BTN3A3: variants seen among roughly 807,000 people sequenced by gnomAD.
The protein encoded by BTN3A3 is butyrophilin 3.
In BTN3A3, 39 loss-of-function variants were observed where a neutral mutation model predicts 43.2. That is an observed-to-expected ratio of 0.90 (90% CI 0.70 to 1.18). BTN3A3 has a LOEUF of 1.18. Ranked by LOEUF, BTN3A3 falls within the 50% of genes most tolerant of loss-of-function variation. BTN3A3 has a pLI of 0.00. For missense variants in BTN3A3, 631 were observed against 722.8 expected, an observed-to-expected ratio of 0.87 and a Z score of 1.46; for synonymous variants, 255 against 272.7, an observed-to-expected ratio of 0.93 and a Z score of 0.64.
chr6:26,443,170 G>C (rs1299846570), intron 1 of BTN3A3, among the ~76,000 whole-genome samples: 1 of 152,196 alleles, frequency 6.6e-6, no homozygotes, highest in Non-Finnish European at 1.5e-5. Flanking sequence ...TTTGATGCTT[G>C]AGGAGTCCAC....
Position 26,451,751 on chromosome 6 carries a change from T to C in BTN3A3, c.1095T>C (p.Ala365=). ...VSEDQRSVQR[A]EEPRDLPDNP... ...AGGACCAGAGGAGTGTGCAGCGTGCTGAAGAGCCGCGGGATCTGCCAGACA... is the reference window on the plus strand; with the variant it reads ...AGGACCAGAGGAGTGTGCAGCGTGCCGAAGAGCCGCGGGATCTGCCAGACA... The change falls in exon 11 of 11, where the codon GCT becomes GCC. Residue 365 remains alanine, a synonymous_variant. Transcript: ENST00000244519. 1 of 1,614,134 alleles carries C rather than the reference T, an allele frequency of 6.2e-7. No individual in the cohort carries two copies. Among genetic ancestry groups the C allele is most frequent in the Non-Finnish European group, 8.5e-7 (1 of 1,180,006 alleles).
Position 26,452,248 on chromosome 6 carries a change from C to T in BTN3A3, c.1592C>T (p.Ser531Phe). ...SPDPDLVPDH[S>F]LETPLTPGLA... ...GATCCTGACCTAGTGCCTGATCATT[C>T]CCTGGAGACACCACTGACCCCGGGC... The change falls in exon 11 of 11, where the codon TCC becomes TTC. Residue 531 changes from serine (S) to phenylalanine (F), a missense_variant. Transcript: ENST00000244519. 6.2e-7 allele frequency: 1 copy of T among 1,614,162 alleles called. No individual in the cohort carries two copies. The highest frequency in any genetic ancestry group is 8.5e-7 in the Non-Finnish European group (1 of 1,180,024).
intron 1 of BTN3A3, among the ~76,000 whole-genome samples, chr6:26,442,946 G>T (rs1414803298): frequency 1.3e-5 from 2 of 152,186 alleles, no homozygotes; most frequent in Non-Finnish European, 2.9e-5. Flanking sequence ...ACCCATTGTG[G>T]GTGCTCAGTA....
intron 3 of BTN3A3, 120 bp downstream of exon 3, chr6:26,443,779 C>T (rs1762702026): frequency 1.3e-6 from 2 of 1,489,626 alleles, no homozygotes; most frequent in Non-Finnish European, 1.8e-6. Context: ...ATTCCCATAC[C>T]TGGAAGTCCA....
At chr6:26,440,889 A>G (rs1336561666) in intron 1 of BTN3A3, among the ~76,000 whole-genome samples, 1 of 152,116 alleles carries the variant, frequency 6.6e-6, no homozygotes, top group Admixed American at 6.6e-5. Context: ...AAGAATAAAG[A>G]CCTGCAGATA....
At chr6:26,445,518 C>CCCCA in intron 4 of BTN3A3, 186 bp from the exon 5 acceptor site, 1 of 688,972 alleles carries the variant, frequency 1.5e-6, no homozygotes, top group East Asian at 2.7e-5. Flanking sequence ...AATAGCCCCA[C>CCCCA]ATTACTGACC....
In BTN3A3 at chr6:26,450,114, A is replaced by T; in HGVS notation, c.999A>T (p.Lys333Asn). The stretch of plus-strand genomic sequence containing the variant: ...GTGTCTCCTTCCTTTCAGAATGGAA[A>T]ATGGCCCTCTTCAAACCTGGTGAGT... ...GEKSLAYHEW[K>N]MALFKPADVI... Residue 333 changes from lysine (K) to asparagine (N), a missense_variant, in exon 10 of 11, where the codon AAA becomes AAT. By Grantham distance (94) the Lys-to-Asn change is moderately conservative. Coordinates refer to ENST00000244519, the MANE Select transcript of BTN3A3 (RefSeq NM_006994.5). 1 of 1,613,742 alleles carries T rather than the reference A, an allele frequency of 6.2e-7. No homozygotes were observed. Among genetic ancestry groups the T allele is most frequent in the Non-Finnish European group, 8.5e-7 (1 of 1,179,688 alleles).
In BTN3A3 at chr6:26,448,378, G is replaced by T; in HGVS notation, c.846G>T (p.Arg282Ser). ...AGAAGGAAAAAATTGCTCTGTCCAG[G>T]GAGACAGAAAGAGAGCGAGAGATGA... is the stretch of plus-strand genomic sequence containing the variant. Reference protein sequence around the residue: ...RQQKEKIALSRETEREREMKE... With the variant: ...RQQKEKIALSSETEREREMKE... Residue 282 changes from arginine to serine, a missense_variant, in exon 6 of 11, where the codon AGG (arginine) becomes AGT (serine). Physicochemically the swap from Arg to Ser is moderately radical, Grantham distance 110. This residue lies in a region of BTN3A3 where 551 missense variants were observed against 584.0 expected (regional missense o/e 0.94). Transcript: ENST00000244519. The T allele has an allele frequency of 6.2e-7, 1 of 1,613,916 alleles. No individual in the cohort carries two copies. The highest frequency in any genetic ancestry group is 1.1e-5 in the South Asian group (1 of 91,080).
At chr6:26,444,963 C>A in intron 4 of BTN3A3, 1 of 163,512 alleles carries the variant, frequency 6.1e-6, no homozygotes, top group Non-Finnish European at 1.4e-5. Context: ...GAGCCTTAAT[C>A]AAGCTTATCT....
intron 5 of BTN3A3, among the ~76,000 whole-genome samples, chr6:26,447,881 AATAG>A (rs1344084550): frequency 1.3e-5 from 2 of 152,186 alleles, no homozygotes; most frequent in African/African-American, 4.8e-5. Flanking sequence ...AGGAAAAGTT[AATAG>A]ATGGAGGGAG....
rs866089843 is a variant in BTN3A3 at position 26,451,844 on chromosome 6, CTG to C, written c.1189_1190del (p.Trp397GlyfsTer16). The C allele has an allele frequency of 6.2e-7, 1 of 1,613,994 alleles. No homozygotes were observed. The highest frequency in any genetic ancestry group is 8.5e-7 in the Non-Finnish European group (1 of 1,180,026). ...AAAACTTCACATCAGGGAGACATTA[CTG>C]GGAGGTGGAAGTGGGGGACAGAAAA... ...CENFTSGRHY[W>X]EVEVGDRKEW... On this transcript the variant is annotated frameshift_variant, in exon 11 of 11. Transcript: ENST00000244519. LOFTEE classifies it low-confidence loss of function (END_TRUNC).
intron 9 of BTN3A3, 75 bp downstream of exon 9, chr6:26,449,763 C>T (rs1327057692): frequency 1.3e-6 from 2 of 1,552,448 alleles, no homozygotes; most frequent in Non-Finnish European, 1.8e-6. Context: ...CTGCTGTGAC[C>T]CATTGACGTT....
At chr6:26,445,639 T>C in intron 4 of BTN3A3, 65 bp from the exon 5 acceptor site, 1 of 1,536,852 alleles carries the variant, frequency 6.5e-7, no homozygotes, top group Non-Finnish European at 8.9e-7. Context: ...CTGCCATTGA[T>C]TCCCATTGAG....
At position 26,452,059 on chromosome 6, in the gene BTN3A3, A is replaced by C; in HGVS notation, c.1403A>C (p.Glu468Ala). 1 of 1,614,122 alleles carries C rather than the reference A, an allele frequency of 6.2e-7. No individual in the cohort carries two copies. The highest frequency in any genetic ancestry group is 1.1e-5 in the South Asian group (1 of 91,076). The change falls in exon 11 of 11, where the codon GAG becomes GCG. Residue 468 changes from glutamate to alanine, a missense_variant. Glu to Ala is a moderately radical substitution (Grantham distance 107). Around this residue, in one of 2 missense-constraint regions of BTN3A3, gnomAD observed 551 missense variants for 584.0 expected, o/e 0.94. Coordinates refer to ENST00000244519, the MANE Select transcript of BTN3A3 (RefSeq NM_006994.5). ...PRKVGIFLDYETGEISFYNAT... is the reference protein window; with the variant it reads ...PRKVGIFLDYATGEISFYNAT... Reference sequence around the variant, plus strand: ...AAAGTGGGGATCTTCCTGGACTATGAGACTGGAGAGATCTCGTTCTATAAT... The same window carrying C: ...AAAGTGGGGATCTTCCTGGACTATGCGACTGGAGAGATCTCGTTCTATAAT...
At chr6:26,451,610 T>C (rs1202852085) in intron 10 of BTN3A3, 65 bp from the exon 11 acceptor site, 7 of 1,560,020 alleles carry the variant, frequency 4.5e-6, no homozygotes, top group Non-Finnish European at 6.1e-6. Flanking sequence ...AGGCCTTGCA[T>C]GCTGAGGCTC....
At chr6:26,445,507 G>T (rs896584766) in intron 4 of BTN3A3, 197 bp from the exon 5 acceptor site, 6 of 646,424 alleles carry the variant, frequency 9.3e-6, no homozygotes, top group South Asian at 2.0e-5. Flanking sequence ...GGGTGGATGG[G>T]AATAGCCCCA....
chr6:26,448,730 T>A lies in BTN3A3; in HGVS notation c.940T>A (p.Trp314Arg). 6.2e-7 allele frequency: 1 copy of A among 1,613,854 alleles called. No individual in the cohort carries two copies. Among genetic ancestry groups the A allele is most frequent in the Middle Eastern group, 1.6e-4 (1 of 6,062 alleles). The change falls in exon 8 of 11, where the codon TGG becomes AGG. Residue 314 changes from tryptophan to arginine, a missense_variant and splice_region_variant. Physicochemically the swap from Trp to Arg is moderately radical, Grantham distance 101. This residue lies in a region of BTN3A3 where 551 missense variants were observed against 584.0 expected (regional missense o/e 0.94). Coordinates refer to ENST00000244519, the MANE Select transcript of BTN3A3 (RefSeq NM_006994.5). ...CTTCCCTATTCATTCCATTGCAGAG[T>A]GGAGGAAAATCCAGTACATGGCTCG... Reference protein sequence around the residue: ...LREKLQEELKWRKIQYMARGE... With the variant: ...LREKLQEELKRRKIQYMARGE...
At chr6:26,441,942 G>A (rs186189205) in intron 1 of BTN3A3, among the ~76,000 whole-genome samples, 1 of 152,308 alleles carries the variant, frequency 6.6e-6, no homozygotes, top group Non-Finnish European at 1.5e-5. Context: ...CAGAGAAATT[G>A]TTAACTTTGA....
Position 26,444,297 on chromosome 6 carries a change from G to C in BTN3A3, c.426G>C (p.Lys142Asn). The change falls in exon 4 of 11, where the codon AAG becomes AAC. Residue 142 changes from lysine to asparagine, a missense_variant. Physicochemically the swap from Lys to Asn is moderately conservative, Grantham distance 94 (BLOSUM62 0). Coordinates refer to ENST00000244519, the MANE Select transcript of BTN3A3 (RefSeq NM_006994.5). ...DFYEKALVEL[K>N]VAALGSDLHI... Reference sequence around the variant, plus strand: ...ACGAAAAAGCCCTGGTGGAGCTGAAGGTTGCAGGTGAGCCTCCAGGTTTTG... The same window carrying C: ...ACGAAAAAGCCCTGGTGGAGCTGAACGTTGCAGGTGAGCCTCCAGGTTTTG... The C allele has an allele frequency of 6.2e-7, 1 of 1,612,042 alleles. No individual in the cohort carries two copies. The highest frequency in any genetic ancestry group is 8.5e-7 in the Non-Finnish European group (1 of 1,179,866).
Sources: gnomAD v4.1 joint callset for allele counts (sites outside exome capture counted in the v4.1 genomes callset) on GRCh38, gnomAD v4.1.1 for gene constraint, gnomAD v4.1.1 regional missense constraint, MANE v1.5 for transcripts, NCBI Gene and HGNC (gene_info 2026-07-23, HGNC 2026-07-21) for gene names.